The following GPR39 variants were observed in gnomAD, a reference collection of about 807,000 sequenced individuals.
GPR39 encodes the protein G protein-coupled receptor 39, also known as zinc sensing receptor.
GPR39 carries 23 observed loss-of-function variants against 18.4 expected under a neutral mutation model. The ratio of observed to expected loss-of-function variants is 1.25; its 90% CI spans 0.90 to 1.77. The LOEUF (loss-of-function observed/expected upper bound fraction) is 1.77, where lower values mean the gene tolerates loss of function less well. Ranked by LOEUF, GPR39 falls within the 40% of genes most tolerant of loss-of-function variation. GPR39 has a pLI of 0.00. For synonymous variants in GPR39, 280 were observed against 257.9 expected, an observed-to-expected ratio of 1.09 and a Z score of -0.82; for missense variants, 647 against 602.4, an observed-to-expected ratio of 1.07 and a Z score of -0.78.
intron 1 of GPR39, among the ~76,000 whole-genome samples, chr2:132,479,668 T>A (rs1573622359): frequency 6.6e-6 from 1 of 152,154 alleles, no homozygotes; most frequent in East Asian, 1.9e-4. Flanking sequence ...CTCATACCTG[T>A]TAGGATGGCT....
chr2:132,575,064 A>G (rs950797570), intron 1 of GPR39, among the ~76,000 whole-genome samples: 1 of 152,092 alleles, frequency 6.6e-6, no homozygotes, highest in Non-Finnish European at 1.5e-5. Context: ...CTTTTTATAC[A>G]AATATAATAT....
intron 1 of GPR39, among the ~76,000 whole-genome samples, chr2:132,478,431 T>C (rs1273246980): frequency 1.3e-5 from 2 of 152,218 alleles, no homozygotes; most frequent in African/African-American, 2.4e-5. Context: ...ATGATCTCCA[T>C]AGGTTGCACA....
In GPR39 at chr2:132,622,002, C is replaced by A. The variant is rs1681450138; in HGVS notation, c.857-23099C>A. On this transcript the variant is annotated intron_variant, in intron 1 of 1. Coordinates refer to ENST00000329321, the MANE Select transcript of GPR39 (RefSeq NM_001508.3). Reference sequence around the variant, plus strand: ...GAGATGGCCACCTGTCCACCTAACTCTGCTCATGCTCTCCTGCCCCAGAGG... The same window carrying A: ...GAGATGGCCACCTGTCCACCTAACTATGCTCATGCTCTCCTGCCCCAGAGG... Among the ~76,000 whole-genome samples, 2 of 152,216 alleles carry A rather than the reference C, an allele frequency of 1.3e-5. 1 individual carries two copies. The highest frequency in any genetic ancestry group is 4.8e-5 in the African/African-American group (2 of 41,452).
chr2:132,566,147 G>A (rs1180512560), intron 1 of GPR39, among the ~76,000 whole-genome samples: 4 of 147,824 alleles, frequency 2.7e-5, no homozygotes, highest in African/African-American at 5.0e-5. Context: ...TTCTCTGATG[G>A]CCAGTGATGA....
chr2:132,526,338 G>C (rs1679508251), intron 1 of GPR39, among the ~76,000 whole-genome samples: 1 of 152,174 alleles, frequency 6.6e-6, no homozygotes, highest in Admixed American at 6.5e-5. Flanking sequence ...GCAGCAGTGA[G>C]GGACTGCCTT....
chr2:132,431,623 GT>G (rs1010743411), intron 1 of GPR39, among the ~76,000 whole-genome samples: 1 of 152,122 alleles, frequency 6.6e-6, no homozygotes. Context: ...TCTTGGTGAT[GT>G]TTTTTTGAAC....
intron 1 of GPR39, among the ~76,000 whole-genome samples, chr2:132,478,699 G>A (rs1054271334): frequency 1.3e-5 from 2 of 152,188 alleles, no homozygotes; most frequent in Admixed American, 1.3e-4. Context: ...AATTGAACTT[G>A]GGAGGGAAGC....
chr2:132,635,834 C>T (rs533906429), intron 1 of GPR39, among the ~76,000 whole-genome samples: 16 of 152,156 alleles, frequency 1.1e-4, no homozygotes, highest in Admixed American at 3.9e-4. Context: ...GACGAGTGAA[C>T]ATAAAAGAAG....
intron 1 of GPR39, among the ~76,000 whole-genome samples, chr2:132,483,839 G>A (rs1681281183): frequency 1.3e-5 from 2 of 152,118 alleles, no homozygotes; most frequent in Non-Finnish European, 2.9e-5. Flanking sequence ...AAAAAAAAAT[G>A]ACAATATTCC....
chr2:132,466,991 T>TTTTTAACATTTTA (rs1266514416), intron 1 of GPR39, among the ~76,000 whole-genome samples: 1 of 152,198 alleles, frequency 6.6e-6, no homozygotes, highest in Non-Finnish European at 1.5e-5. Context: ...ATTTTTAAAG[T>TTTTTAACATTTTA]ACCTGCCAAA....
At chr2:132,539,593 C>G (rs1162924867) in intron 1 of GPR39, among the ~76,000 whole-genome samples, 3 of 152,164 alleles carry the variant, frequency 2.0e-5, no homozygotes, top group East Asian at 3.8e-4. Context: ...AAAGTACCTC[C>G]TATCCCAAGT....
At chr2:132,555,424 C>A (rs1474859694) in intron 1 of GPR39, among the ~76,000 whole-genome samples, 1 of 152,146 alleles carries the variant, frequency 6.6e-6, no homozygotes, top group Non-Finnish European at 1.5e-5. Context: ...CCGCAGTCAT[C>A]CAAAGGCTTT....
intron 1 of GPR39, among the ~76,000 whole-genome samples, chr2:132,520,802 CAGGTTTACCTGG>C (rs1296961958): frequency 7.1e-4 from 108 of 152,194 alleles, no homozygotes; most frequent in African/African-American, 2.4e-3. Context: ...GTGGGAGAAT[CAGGTTTACCTGG>C]ACCAAGGCTC....
chr2:132,539,318 C>T (rs1679818726), intron 1 of GPR39, among the ~76,000 whole-genome samples: 1 of 152,138 alleles, frequency 6.6e-6, no homozygotes, highest in South Asian at 2.1e-4. Context: ...GCTCCTTGCA[C>T]TTCCCAGATG....
At chr2:132,622,733 A>G (rs1368001461) in intron 1 of GPR39, among the ~76,000 whole-genome samples, 1 of 152,226 alleles carries the variant, frequency 6.6e-6, no homozygotes, top group Non-Finnish European at 1.5e-5. Context: ...AGGAATACTT[A>G]AGTTAAAATA....
At chr2:132,632,505 T>C (rs1203760772) in intron 1 of GPR39, among the ~76,000 whole-genome samples, 1 of 152,176 alleles carries the variant, frequency 6.6e-6, no homozygotes, top group Non-Finnish European at 1.5e-5. Context: ...ATTGGACTTT[T>C]GATCTCCTGA....
chr2:132,602,168 A>C (rs1249888097), intron 1 of GPR39, among the ~76,000 whole-genome samples: 2 of 152,178 alleles, frequency 1.3e-5, no homozygotes, highest in Admixed American at 1.3e-4. Flanking sequence ...AGTAACCAAC[A>C]CAGCATAATG....
intron 1 of GPR39, among the ~76,000 whole-genome samples, chr2:132,620,717 T>C (rs1681426613): frequency 1.3e-5 from 2 of 152,300 alleles, no homozygotes; most frequent in South Asian, 4.1e-4. Flanking sequence ...CAGTGGGTGC[T>C]ATTGAACTCA....
At chr2:132,552,861 T>C (rs1460883135) in intron 1 of GPR39, among the ~76,000 whole-genome samples, 5 of 140,658 alleles carry the variant, frequency 3.6e-5, no homozygotes, top group African/African-American at 5.4e-5. Context: ...CATATATATA[T>C]ACATATATAT....
Sources: gnomAD v4.1 joint callset for allele counts (sites outside exome capture counted in the v4.1 genomes callset) on GRCh38, gnomAD v4.1.1 for gene constraint, MANE v1.5 for transcripts, NCBI Gene and HGNC (gene_info 2026-07-23, HGNC 2026-07-21) for gene names.